Variants in TEAD4 observed in about 807,000 individuals in gnomAD.
TEAD4 encodes the protein transcriptional enhancer factor TEF-3.
Under a neutral mutation model 52.4 loss-of-function variants are expected in TEAD4, and 36 were observed. That is an observed-to-expected ratio of 0.69 (90% CI 0.53 to 0.91). The LOEUF is 0.91. TEAD4 is among the 40% of genes least tolerant of loss of function. TEAD4 has a pLI of 0.00. For synonymous variants in TEAD4, 220 were observed against 231.0 expected, an observed-to-expected ratio of 0.95 and a Z score of 0.43; for missense variants, 508 against 583.9, an observed-to-expected ratio of 0.87 and a Z score of 1.34.
chr12:2,971,534 G>C (rs1043413727), intron 2 of TEAD4, among the ~76,000 whole-genome samples: 2 of 151,752 alleles, frequency 1.3e-5, no homozygotes, highest in Non-Finnish European at 1.5e-5. Flanking sequence ...GGAGTGCTGT[G>C]GTGCGATCTC....
chr12:3,000,392 A>T (rs1187533022), intron 3 of TEAD4, among the ~76,000 whole-genome samples: 1 of 152,156 alleles, frequency 6.6e-6, no homozygotes. Context: ...TTCGTGCTGG[A>T]GGGAACTCTG....
At chr12:2,992,236 C>G (rs2098243746) in intron 2 of TEAD4, among the ~76,000 whole-genome samples, 1 of 151,788 alleles carries the variant, frequency 6.6e-6, no homozygotes, top group African/African-American at 2.4e-5. Context: ...CCAGGGTGGT[C>G]TCGAACTCCT....
intron 3 of TEAD4, among the ~76,000 whole-genome samples, chr12:3,000,219 T>C (rs3825373): frequency 0.061 from 9,302 of 152,268 alleles, 685 homozygotes; most frequent in East Asian, 0.2. Flanking sequence ...TCTTGGGAGT[T>C]TTCCTGAAGG....
At position 2,994,315 on chromosome 12, in the gene TEAD4, A is replaced by T. The variant is rs2098245454; in HGVS notation, c.-29-423A>T. On this transcript the variant is annotated intron_variant, in intron 2 of 12. Transcript: ENST00000359864. This position sits in a 1 kb window ranked among gnomAD's most constrained non-coding sequence, Gnocchi z 4.7. ...GGTCTCGAGTTCCTGACCTCAAGTG[A>T]TCTGCCTGCCTCAGCCTCCCAGAGT... Among the ~76,000 whole-genome samples the T allele has an allele frequency of 6.6e-6, 1 of 152,148 alleles. No individual in the cohort carries two copies. Among genetic ancestry groups the T allele is most frequent in the South Asian group, 2.1e-4 (1 of 4,822 alleles).
chr12:3,037,988 C>G lies in TEAD4; in HGVS notation c.918C>G (p.Ile306Met), dbSNP rs529565656. 32 of 1,613,648 alleles carry G rather than the reference C, an allele frequency of 2.0e-5. No homozygotes were observed. Among genetic ancestry groups the G allele is most frequent in the Admixed American group, 6.7e-5 (4 of 59,984 alleles). Residue 306 changes from isoleucine (I) to methionine (M), a missense_variant, in exon 11 of 13, where the codon ATC (isoleucine) becomes ATG (methionine). Ile to Met is a conservative substitution (Grantham distance 10, BLOSUM62 1). Transcript: ENST00000359864. Reference sequence around the variant, plus strand: ...TCCAGGCAGACCTCAACACCAACATCGAGGATGAAGGCAGCTCCTTCTATG... The same window carrying G: ...TCCAGGCAGACCTCAACACCAACATGGAGGATGAAGGCAGCTCCTTCTATG...
At chr12:2,966,904 A>ACCATGCTGG (rs2098220876) in intron 2 of TEAD4, among the ~76,000 whole-genome samples, 1 of 152,064 alleles carries the variant, frequency 6.6e-6, no homozygotes, top group East Asian at 1.9e-4. Context: ...ATGTGGTTTC[A>ACCATGCTGG]CCATGCTGGC....
At position 3,040,575 on chromosome 12, in the gene TEAD4, G is replaced by T; in HGVS notation, c.*97G>T. 1 of 1,047,478 alleles carries T rather than the reference G, an allele frequency of 9.5e-7. No homozygotes were observed. Among genetic ancestry groups the T allele is most frequent in the South Asian group, 1.4e-5 (1 of 70,338 alleles). 64.9% of individuals were successfully genotyped at this position (1,047,478 alleles called of 1,614,324 possible). ...GGGGCAGCCCCCTGAAGTGCCAAGA[G>T]AGCTGAGAGGAGCAGTTGTGACTCT... On this transcript the variant is annotated 3_prime_UTR_variant, in exon 13 of 13. Transcript: ENST00000359864.
chr12:3,019,527 C>T (rs868822024), intron 8 of TEAD4, among the ~76,000 whole-genome samples: 26 of 152,322 alleles, frequency 1.7e-4, no homozygotes, highest in Admixed American at 4.6e-4. Flanking sequence ...CCTGGGAGGG[C>T]CGAGGGGTGT....
At chr12:2,990,289 C>T (rs995876373) in intron 2 of TEAD4, among the ~76,000 whole-genome samples, 3 of 152,038 alleles carry the variant, frequency 2.0e-5, no homozygotes, top group Non-Finnish European at 4.4e-5. Flanking sequence ...TAAACATAAT[C>T]TCTTCAGAGA....
chr12:2,960,325 T>G, intron 2 of TEAD4: 1 of 985,324 alleles, frequency 1.0e-6, no homozygotes, highest in South Asian at 4.7e-5. Flanking sequence ...GCTGGGCCCT[T>G]TTCGAGCCTG....
At chr12:3,031,561 G>A (rs544229949) in intron 10 of TEAD4, among the ~76,000 whole-genome samples, 6 of 152,272 alleles carry the variant, frequency 3.9e-5, no homozygotes, top group Non-Finnish European at 5.9e-5. Flanking sequence ...GCAGGGCCTG[G>A]CCCTGAGTCC....
chr12:3,023,790 CAAA>C (rs71057878), intron 10 of TEAD4, among the ~76,000 whole-genome samples: 2 of 132,038 alleles, frequency 1.5e-5, no homozygotes, highest in Non-Finnish European at 3.2e-5. Flanking sequence ...GAGACTGTCT[CAAA>C]AAAAAAAAAA....
At chr12:2,990,461 CTTTTTT>C (rs71057876) in intron 2 of TEAD4, among the ~76,000 whole-genome samples, 11 of 67,038 alleles carry the variant, frequency 1.6e-4, no homozygotes, top group South Asian at 1.3e-3. Flanking sequence ...GACAGATAAT[CTTTTTT>C]TTTTTTTTTT....
intron 10 of TEAD4, among the ~76,000 whole-genome samples, chr12:3,025,622 C>T (rs938558790): frequency 2.0e-5 from 3 of 151,892 alleles, no homozygotes; most frequent in Non-Finnish European, 2.9e-5. Context: ...TTGCAACCTC[C>T]ACCTCCCAGG....
rs1318777186 is a variant in TEAD4 at position 3,020,480 on chromosome 12, C to T, written c.584-154C>T. Among the ~76,000 whole-genome samples, 5 of 152,184 alleles carry T rather than the reference C, an allele frequency of 3.3e-5. No individual in the cohort carries two copies. In the East Asian group the frequency reaches 9.6e-4, roughly 29 times the overall value. ...ATGCCCTGGCCCAAGCCTGGCACTC[C>T]CTCCACCACCTCTGCTAGGAGGTCC... On this transcript the variant is annotated intron_variant, in intron 8 of 12. Transcript: ENST00000359864.
rs746015510 is a variant in TEAD4, at chr12:3,012,212, G to A, written c.334G>A (p.Glu112Lys). 5 of 1,614,084 alleles carry A rather than the reference G, an allele frequency of 3.1e-6. No individual in the cohort carries two copies. In the South Asian group the frequency reaches 4.4e-5, roughly 14 times the overall value. The change falls in exon 5 of 13, where the codon GAG (glutamate) becomes AAG (lysine). Residue 112 changes from glutamate to lysine, a missense_variant. Transcript: ENST00000359864. ...GGTGCTGGCTCGTCGCAAAGCTCGC[G>A]AGATCCAGGCCAAGCTAAAGGTAAG...
intron 10 of TEAD4, among the ~76,000 whole-genome samples, chr12:3,027,075 C>T (rs1412830226): frequency 6.6e-6 from 1 of 151,492 alleles, no homozygotes; most frequent in East Asian, 1.9e-4. Context: ...TCACTGCAAC[C>T]TCCGCCTCCC....
intron 10 of TEAD4, among the ~76,000 whole-genome samples, chr12:3,035,149 A>G (rs1240595497): frequency 6.6e-6 from 1 of 152,268 alleles, no homozygotes; most frequent in East Asian, 1.9e-4. Flanking sequence ...CATATATATT[A>G]GAAAGAATAG....
At chr12:2,996,487 G>T (rs369946996) in intron 3 of TEAD4, among the ~76,000 whole-genome samples, 2 of 150,006 alleles carry the variant, frequency 1.3e-5, no homozygotes, top group East Asian at 3.9e-4. Flanking sequence ...TCAGCTCAAC[G>T]CTACCTCTGC....
Sources: gnomAD v4.1 joint callset for allele counts (sites outside exome capture counted in the v4.1 genomes callset) on GRCh38, gnomAD v4.1.1 for gene constraint, Gnocchi (gnomAD v3.1) non-coding constraint, MANE v1.5 for transcripts, NCBI Gene and HGNC (gene_info 2026-07-23, HGNC 2026-07-21) for gene names.